CD244: variants seen among roughly 807,000 people sequenced by gnomAD.
The protein encoded by CD244 is natural killer cell receptor 2B4.
CD244 carries 20 observed loss-of-function variants against 45.5 expected under a neutral mutation model. The observed-to-expected ratio is 0.44, with a 90% CI of 0.31 to 0.64. The LOEUF is 0.64. CD244 is among the 30% of genes least tolerant of loss of function. The probability of loss-of-function intolerance (pLI) is 0.08; values close to 1 mark genes in which losing one functional copy is unlikely to be tolerated. For missense variants in CD244, 407 were observed against 426.9 expected (o/e 0.95, Z 0.41); for synonymous variants, 185 against 160.5 (o/e 1.15, Z -1.15).
At chr1:160,838,319 TG>T in intron 5 of CD244, 131 bp downstream of exon 5, 1 of 736,818 alleles carries the variant, frequency 1.4e-6, no homozygotes, top group South Asian at 1.5e-5. Context: ...AAAAGATAGA[TG>T]GGGAAGGGCT....
intron 1 of CD244, among the ~76,000 whole-genome samples, chr1:160,858,968 C>T (rs181118410): frequency 3.2e-3 from 494 of 152,242 alleles, no homozygotes; most frequent in African/African-American, 0.011. Context: ...AAGGATCTTA[C>T]AGTCTAGGGG....
rs1669101880 is a variant in CD244, at chr1:160,831,203, C to G, written c.*144G>C. ...TATCATGGTTGTTAGACATCATTTT[C>G]AAAACAAAATATAGAACAAGAACAA... On this transcript the variant is annotated 3_prime_UTR_variant, in exon 9 of 9. Coordinates refer to ENST00000368034, the MANE Select transcript of CD244 (RefSeq NM_016382.4). 1.5e-6 allele frequency: 1 copy of G among 656,320 alleles called. No individual in the cohort carries two copies. Among genetic ancestry groups the G allele is most frequent in the East Asian group, 2.5e-5 (1 of 39,440 alleles). The allele number at this position is 656,320 out of a possible 1,614,324, so 40.7% of individuals were successfully genotyped here. A position where few individuals can be genotyped will look rare whatever the true frequency, so the allele number is the denominator to read the frequency against.
intron 1 of CD244, among the ~76,000 whole-genome samples, chr1:160,846,165 A>G (rs1162206783): frequency 6.6e-6 from 1 of 152,136 alleles, no homozygotes. Flanking sequence ...CGAGCAGTAT[A>G]CACTGCACTC....
chr1:160,862,751 C>G lies in CD244; in HGVS notation c.-74G>C. 2 of 1,383,378 alleles carry G rather than the reference C, an allele frequency of 1.4e-6. No homozygotes were observed. The highest frequency in any genetic ancestry group is 1.8e-5 in the Admixed American group (1 of 55,048). 85.7% of individuals were successfully genotyped at this position (1,383,378 alleles called of 1,614,324 possible). A position where few individuals can be genotyped will look rare whatever the true frequency, so the allele number is the denominator to read the frequency against. ...TCTGCCGTGCACGGGCTCAGCAGTC[C>G]CCAGTCAGCAAGAGGACGATGGGGA... On this transcript the variant is annotated 5_prime_UTR_variant, in exon 1 of 9. Coordinates refer to ENST00000368034, the MANE Select transcript of CD244 (RefSeq NM_016382.4).
chr1:160,858,370 C>T (rs1443525193), intron 1 of CD244, among the ~76,000 whole-genome samples: 1 of 152,094 alleles, frequency 6.6e-6, no homozygotes, highest in Non-Finnish European at 1.5e-5. Context: ...AGCTGGCAAC[C>T]CTTGGAGCTA....
intron 6 of CD244, among the ~76,000 whole-genome samples, chr1:160,835,200 C>T (rs948623548): frequency 5.3e-5 from 8 of 152,014 alleles, no homozygotes; most frequent in Non-Finnish European, 1.0e-4. Context: ...TTATCAATGT[C>T]ATTTTAGCCA....
chr1:160,859,275 C>T (rs916601177), intron 1 of CD244, among the ~76,000 whole-genome samples: 1 of 152,116 alleles, frequency 6.6e-6, no homozygotes, highest in African/African-American at 2.4e-5. Flanking sequence ...GGCTGAAATG[C>T]TGTGAGCAAG....
intron 1 of CD244, among the ~76,000 whole-genome samples, chr1:160,854,414 G>A (rs538781386): frequency 9.2e-5 from 14 of 152,064 alleles, no homozygotes; most frequent in Non-Finnish European, 1.9e-4. Context: ...ACAGAGTCTC[G>A]CTCTGTCACC....
intron 1 of CD244, among the ~76,000 whole-genome samples, chr1:160,861,228 G>T (rs534318292): frequency 6.6e-6 from 1 of 152,244 alleles, no homozygotes; most frequent in African/African-American, 2.4e-5. Context: ...CACAAGAGCT[G>T]CAGGCTCCAC....
At chr1:160,849,492 G>A (rs1011138742) in intron 1 of CD244, among the ~76,000 whole-genome samples, 12 of 151,832 alleles carry the variant, frequency 7.9e-5, no homozygotes, top group Non-Finnish European at 1.3e-4. Context: ...TGATATTCCC[G>A]TCCCTGTGCC....
At chr1:160,841,133 A>T in intron 3 of CD244, 77 bp downstream of exon 3, 3 of 1,416,308 alleles carry the variant, frequency 2.1e-6, no homozygotes, top group Non-Finnish European at 2.9e-6. Flanking sequence ...ATCTCATACC[A>T]CATCTGTCTT....
chr1:160,840,134 T>C (rs1395823602), intron 3 of CD244, among the ~76,000 whole-genome samples: 1 of 150,738 alleles, frequency 6.6e-6, no homozygotes, highest in Non-Finnish European at 1.5e-5. Context: ...AGAGCTTCTT[T>C]TTTTTTTTTT....
chr1:160,834,260 G>A (rs930086738), intron 6 of CD244, 144 bp from the exon 7 acceptor site: 1 of 627,250 alleles, frequency 1.6e-6, no homozygotes, highest in East Asian at 2.8e-5. Context: ...TAGCCAGGAG[G>A]TCAGACAACC....
intron 1 of CD244, among the ~76,000 whole-genome samples, chr1:160,843,889 A>G (rs1669632129): frequency 6.6e-6 from 1 of 152,244 alleles, no homozygotes; most frequent in South Asian, 2.1e-4. Flanking sequence ...CAGAGCTCAC[A>G]ATAAAACTCA....
chr1:160,834,894 T>A (rs1238861327), intron 6 of CD244, among the ~76,000 whole-genome samples: 5 of 152,172 alleles, frequency 3.3e-5, no homozygotes. Flanking sequence ...CATTCTCCTT[T>A]TAAGATGCTC....
At chr1:160,836,674 G>A (rs1300602681) in intron 5 of CD244, among the ~76,000 whole-genome samples, 2 of 152,136 alleles carry the variant, frequency 1.3e-5, no homozygotes, top group Non-Finnish European at 2.9e-5. Context: ...AGGCCACCTT[G>A]CCCTTGACCT....
At chr1:160,851,468 G>A (rs1441866843) in intron 1 of CD244, among the ~76,000 whole-genome samples, 1 of 152,016 alleles carries the variant, frequency 6.6e-6, no homozygotes, top group Non-Finnish European at 1.5e-5. Flanking sequence ...TCAATAAATG[G>A]TGCTTGGTCA....
chr1:160,836,265 A>G lies in CD244; in HGVS notation c.835-11T>C, dbSNP rs1276608616. On this transcript the variant is annotated splice_polypyrimidine_tract_variant and intron_variant, in intron 5 of 8. Coordinates refer to ENST00000368034, the MANE Select transcript of CD244 (RefSeq NM_016382.4). ...AGTCTGCTCCTGCTCCTGCACAAGA[A>G]ATGGAGATGGGGTAACATGAGCGAC... is the stretch of plus-strand genomic sequence containing the variant. The G allele has an allele frequency of 1.9e-6, 3 of 1,610,240 alleles. No homozygotes were observed. In the Admixed American group the frequency reaches 5.0e-5, roughly 27 times the overall value.
At chr1:160,856,871 G>A (rs576120648) in intron 1 of CD244, among the ~76,000 whole-genome samples, 1 of 150,580 alleles carries the variant, frequency 6.6e-6, no homozygotes, top group Non-Finnish European at 1.5e-5. Flanking sequence ...ACAATTCACA[G>A]AGTGAAAAGG....
Sources: allele counts gnomAD v4.1 joint callset (sites outside exome capture counted in the v4.1 genomes callset), GRCh38; gene constraint gnomAD v4.1.1; transcripts MANE v1.5; gene names NCBI Gene and HGNC (gene_info 2026-07-23, HGNC 2026-07-21).